MAST4: variants seen among roughly 807,000 people sequenced by gnomAD.
MAST4 encodes microtubule-associated serine/threonine-protein kinase 4.
In MAST4, 89 loss-of-function variants were observed where a neutral mutation model predicts 162.7. The observed-to-expected ratio is 0.55, with a 90% CI of 0.46 to 0.65. The LOEUF (loss-of-function observed/expected upper bound fraction) is 0.65, where lower values mean the gene tolerates loss of function less well. MAST4 is among the 30% of genes least tolerant of loss of function. The pLI is 0.00. For synonymous variants in MAST4, 1,479 were observed against 1,361.1 expected, an observed-to-expected ratio of 1.09 and a Z score of -1.91; for missense variants, 3,153 against 3,374.0, an observed-to-expected ratio of 0.93 and a Z score of 1.62.
chr5:66,749,955 T>G (rs1410248584), intron 1 of MAST4, among the ~76,000 whole-genome samples: 2 of 152,220 alleles, frequency 1.3e-5, no homozygotes, highest in Non-Finnish European at 2.9e-5. Context: ...TAAAGTCATT[T>G]CAGGTTGCCA....
intron 1 of MAST4, among the ~76,000 whole-genome samples, chr5:66,634,137 G>A (rs996073062): frequency 3.9e-5 from 6 of 152,032 alleles, no homozygotes; most frequent in African/African-American, 9.6e-5. Context: ...TTGGCTCACC[G>A]CAACCTCCAC....
At chr5:66,715,505 G>A (rs912283287) in intron 1 of MAST4, among the ~76,000 whole-genome samples, 3 of 130,030 alleles carry the variant, frequency 2.3e-5, no homozygotes, top group African/African-American at 8.6e-5. Flanking sequence ...AAATGGAGTG[G>A]ACCGGGGACT....
intron 4 of MAST4, among the ~76,000 whole-genome samples, chr5:66,981,240 T>C (rs188786530): frequency 1.2e-3 from 181 of 152,336 alleles, no homozygotes; most frequent in African/African-American, 4.3e-3. Context: ...AATATATTGA[T>C]TTGATGAATA....
At position 66,846,875 on chromosome 5, in the gene MAST4, T is replaced by C. The variant is rs552511349; in HGVS notation, c.643-53076T>C. ...TATTATGGAAAATAATTTTGAGTTG[T>C]ATATAATTTGCCTATAACTTTGTAT... On this transcript the variant is annotated intron_variant, in intron 3 of 28. Transcript: ENST00000403625. Among the ~76,000 whole-genome samples the C allele has an allele frequency of 3.3e-5, 5 of 152,336 alleles. No individual in the cohort carries two copies. In the East Asian group the frequency reaches 5.8e-4, roughly 18 times the overall value.
intron 4 of MAST4, among the ~76,000 whole-genome samples, chr5:66,984,947 T>C (rs1262569372): frequency 1.3e-5 from 2 of 152,160 alleles, no homozygotes; most frequent in Admixed American, 6.5e-5. Context: ...CTTTATATGA[T>C]ACTCATGTGG....
intron 12 of MAST4, chr5:67,114,901 C>G (rs1244334722): frequency 6.6e-6 from 1 of 151,908 alleles, no homozygotes; most frequent in African/African-American, 2.4e-5. Flanking sequence ...CAGAAATTAG[C>G]TGGGCATGGT....
chr5:66,989,594 T>A (rs1676176027), intron 4 of MAST4, among the ~76,000 whole-genome samples: 1 of 152,122 alleles, frequency 6.6e-6, no homozygotes, highest in Admixed American at 6.6e-5. Context: ...GAAGCATAAT[T>A]TTTTCCCCAC....
At position 67,144,715 on chromosome 5, in the gene MAST4, A is replaced by G; in HGVS notation, c.2777A>G (p.Lys926Arg). Residue 926 changes from lysine to arginine, a missense_variant, in exon 22 of 29, where the codon AAG (lysine) becomes AGG (arginine). Physicochemically the swap from Lys to Arg is conservative, Grantham distance 26. Transcript: ENST00000403625. ...ATCACTCAGAATTCAGCAGAAGAGA[A>G]GGAAGACTCTGTGGACAAAACCAAA... ...DRITQNSAEE[K>R]EDSVDKTKST... 6.2e-7 allele frequency: 1 copy of G among 1,614,012 alleles called. No homozygotes were observed. The highest frequency in any genetic ancestry group is 8.5e-7 in the Non-Finnish European group (1 of 1,179,868).
rs149623286 is a variant in MAST4, at chr5:66,905,269, C to T, written c.674+5287C>T. On this transcript the variant is annotated intron_variant, in intron 4 of 28. Coordinates refer to ENST00000403625, the MANE Select transcript of MAST4 (RefSeq NM_001164664.2). The stretch of plus-strand genomic sequence containing the variant: ...TTGCAGTGAGCCGAGATCGCGCCCA[C>T]GCCAGCCTGGGCAACAGAGTGAAAC... Among the ~76,000 whole-genome samples the T allele has an allele frequency of 2.0e-3, 295 of 144,706 alleles. 2 individuals are homozygous for T. Among genetic ancestry groups the T allele is most frequent in the African/African-American group, 7.4e-3 (286 of 38,570 alleles). 94.9% of individuals were successfully genotyped at this position (144,706 alleles called of 152,430 possible).
At chr5:66,774,404 G>A (rs1325896395) in intron 2 of MAST4, among the ~76,000 whole-genome samples, 1 of 152,168 alleles carries the variant, frequency 6.6e-6, no homozygotes, top group Non-Finnish European at 1.5e-5. Flanking sequence ...CATACCTGTG[G>A]TTATGAGTGC....
intron 3 of MAST4, among the ~76,000 whole-genome samples, chr5:66,801,113 A>AT (rs1432662676): frequency 6.6e-6 from 1 of 152,114 alleles, no homozygotes; most frequent in African/African-American, 2.4e-5. Flanking sequence ...CAGTAAAAAC[A>AT]TTTTTTAGTA....
In MAST4 at chr5:66,720,851, G is replaced by A. The variant is rs375144470; in HGVS notation, c.364-38858G>A. ...CTCTGTCCTCAAACTTTAAACATCT[G>A]TCCTTTCAGCTTTGCTTTTAGCCGA... On this transcript the variant is annotated intron_variant, in intron 1 of 28. Coordinates refer to ENST00000403625, the MANE Select transcript of MAST4 (RefSeq NM_001164664.2). Among the ~76,000 whole-genome samples the A allele has an allele frequency of 5.9e-5, 9 of 152,114 alleles. No individual in the cohort carries two copies. In the East Asian group the frequency reaches 9.7e-4, roughly 16 times the overall value.
intron 1 of MAST4, among the ~76,000 whole-genome samples, chr5:66,714,391 G>T (rs1750687165): frequency 6.6e-6 from 1 of 152,112 alleles, no homozygotes; most frequent in Non-Finnish European, 1.5e-5. Context: ...CAAGAATGAG[G>T]CTCTCTGACT....
chr5:66,872,890 G>T (rs1253694518), intron 3 of MAST4, among the ~76,000 whole-genome samples: 4 of 152,102 alleles, frequency 2.6e-5, no homozygotes, highest in Admixed American at 1.3e-4. Context: ...ATGTGCTTTT[G>T]TTCCCCCTCT....
rs551550070 is a variant in MAST4 at position 67,040,008 on chromosome 5, T to C, written c.675-14396T>C. ...GTGTGTATATATATATAATATAAAC[T>C]TATCTCACTAATGCAGTCAGTGTAT... On this transcript the variant is annotated intron_variant, in intron 4 of 28. Transcript: ENST00000403625. Among the ~76,000 whole-genome samples, 28 of 151,506 alleles carry C rather than the reference T, an allele frequency of 1.8e-4. No individual in the cohort carries two copies. The South Asian group carries it at 5.6e-3, about 30-fold the overall frequency.
chr5:67,004,751 C>G (rs1434172037), intron 4 of MAST4: 1 of 471,210 alleles, frequency 2.1e-6, no homozygotes, highest in African/African-American at 2.0e-5. Context: ...GAGAGGAAAT[C>G]AGTTTCCCGG....
chr5:67,152,237 A>G (rs962701454), intron 24 of MAST4, among the ~76,000 whole-genome samples: 3 of 152,368 alleles, frequency 2.0e-5, no homozygotes, highest in East Asian at 3.9e-4. Context: ...TCTTCTCCAC[A>G]TGAAGACATA....
intron 4 of MAST4, among the ~76,000 whole-genome samples, chr5:66,982,794 T>A (rs962950683): frequency 6.6e-6 from 1 of 152,196 alleles, no homozygotes; most frequent in Non-Finnish European, 1.5e-5. Flanking sequence ...ATTTTCTCCC[T>A]CATTAAAGTG....
chr5:67,076,970 A>G (rs369234759), intron 5 of MAST4, among the ~76,000 whole-genome samples: 1 of 152,146 alleles, frequency 6.6e-6, no homozygotes, highest in African/African-American at 2.4e-5. Context: ...TTTCAAGGTG[A>G]TTCTGATACA....
Sources: allele counts gnomAD v4.1 joint callset (sites outside exome capture counted in the v4.1 genomes callset), GRCh38; gene constraint gnomAD v4.1.1; transcripts MANE v1.5; gene names NCBI Gene and HGNC (gene_info 2026-07-23, HGNC 2026-07-21).